CNTN4: variants seen among roughly 807,000 people sequenced by gnomAD.
CNTN4 encodes the protein contactin 4, also known as contactin-4.
A neutral mutation model predicts 122.5 loss-of-function variants in CNTN4; 77 were observed. The ratio of observed to expected loss-of-function variants is 0.63; its 90% CI spans 0.52 to 0.76. The LOEUF (loss-of-function observed/expected upper bound fraction) is 0.76. CNTN4 is among the 30% of genes least tolerant of loss of function. The pLI is 0.00. For missense variants in CNTN4, 1,256 were observed against 1,259.1 expected (o/e 1.00, Z 0.04); for synonymous variants, 512 against 447.0 (o/e 1.15, Z -1.83).
rs1428837942 is a variant in CNTN4 at position 3,034,619 on chromosome 3, T to C, written c.1784-13T>C. 1 of 1,614,082 alleles carries C rather than the reference T, an allele frequency of 6.2e-7. No homozygotes were observed. Among genetic ancestry groups the C allele is most frequent in the East Asian group, 2.2e-5 (1 of 44,872 alleles). Reference sequence around the variant, plus strand: ...TACACTGCTCCAATTCTGGGGGTCTTGCTCTTTCCCAGGTCCTCCAGGTCC... The same window carrying C: ...TACACTGCTCCAATTCTGGGGGTCTCGCTCTTTCCCAGGTCCTCCAGGTCC... On this transcript the variant is annotated splice_polypyrimidine_tract_variant and intron_variant, in intron 16 of 24. Transcript: ENST00000418658.
chr3:2,192,610 T>A (rs1489586234), intron 2 of CNTN4, among the ~76,000 whole-genome samples: 1 of 152,078 alleles, frequency 6.6e-6, no homozygotes, highest in Non-Finnish European at 1.5e-5. Context: ...AACAACCCCA[T>A]CAAAAAGTGG....
At chr3:2,331,217 A>G (rs1219542482) in intron 2 of CNTN4, among the ~76,000 whole-genome samples, 2 of 152,184 alleles carry the variant, frequency 1.3e-5, no homozygotes, top group East Asian at 3.9e-4. Context: ...CTACACTTGG[A>G]TATGGGCTTC....
At chr3:2,710,372 G>T (rs559780693) in intron 4 of CNTN4, among the ~76,000 whole-genome samples, 25 of 152,324 alleles carry the variant, frequency 1.6e-4, no homozygotes, top group African/African-American at 6.0e-4. Context: ...GTGCATTATT[G>T]TGGCAGCTTT....
intron 2 of CNTN4, among the ~76,000 whole-genome samples, chr3:2,218,490 C>T (rs187526063): frequency 6.6e-6 from 1 of 152,194 alleles, no homozygotes; most frequent in Non-Finnish European, 1.5e-5. Context: ...TGTGAATAGT[C>T]ACCACATGCC....
chr3:2,164,419 A>G (rs1014789995), intron 2 of CNTN4, among the ~76,000 whole-genome samples: 2 of 152,188 alleles, frequency 1.3e-5, no homozygotes, highest in African/African-American at 4.8e-5. Context: ...AACTAATAAT[A>G]GGAATTTTAG....
rs527255022 is a variant in CNTN4, at chr3:2,665,776, C to T, written c.56-70439C>T. Among the ~76,000 whole-genome samples, 198 of 152,224 alleles carry T rather than the reference C, an allele frequency of 1.3e-3. No homozygotes were observed. The Middle Eastern group carries it at 0.024, about 18-fold the overall frequency. On this transcript the variant is annotated intron_variant, in intron 4 of 24. Coordinates refer to ENST00000418658, the MANE Select transcript of CNTN4 (RefSeq NM_175607.3). ...AAATGGAATAATTTCACACATTTTCCTTTAGCTGGATACTTGATATATGAG... is the reference window on the plus strand; with the variant it reads ...AAATGGAATAATTTCACACATTTTCTTTTAGCTGGATACTTGATATATGAG...
chr3:2,358,831 G>T (rs1281221602), intron 3 of CNTN4, among the ~76,000 whole-genome samples: 1 of 152,064 alleles, frequency 6.6e-6, no homozygotes, highest in Non-Finnish European at 1.5e-5. Flanking sequence ...CTTGATCAAG[G>T]AGACTAAGTT....
chr3:2,795,269 G>T (rs1415130586), intron 6 of CNTN4, among the ~76,000 whole-genome samples: 4 of 152,060 alleles, frequency 2.6e-5, no homozygotes, highest in African/African-American at 9.7e-5. Flanking sequence ...GACCTGACAG[G>T]CTGACCCTGA....
intron 9 of CNTN4, among the ~76,000 whole-genome samples, chr3:2,884,098 C>CT (rs35945793): frequency 9.0e-4 from 132 of 146,882 alleles, no homozygotes; most frequent in African/African-American, 2.0e-3. Flanking sequence ...ACAACAGTAA[C>CT]TTTTTTTTTT....
At chr3:2,200,637 G>A (rs1179238922) in intron 2 of CNTN4, among the ~76,000 whole-genome samples, 2 of 152,180 alleles carry the variant, frequency 1.3e-5, no homozygotes, top group Non-Finnish European at 2.9e-5. Context: ...GTGAGGACCA[G>A]CTAAATTAAT....
chr3:2,209,262 G>A (rs2038500020), intron 2 of CNTN4, among the ~76,000 whole-genome samples: 1 of 152,158 alleles, frequency 6.6e-6, no homozygotes, highest in Non-Finnish European at 1.5e-5. Flanking sequence ...GGATAGCACA[G>A]ATCTTTTACA....
chr3:2,364,101 G>A (rs1021385467), intron 3 of CNTN4, among the ~76,000 whole-genome samples: 1 of 151,928 alleles, frequency 6.6e-6, no homozygotes, highest in African/African-American at 2.4e-5. Flanking sequence ...TGTCTAGTTG[G>A]GGGCTTGGTT....
At chr3:2,182,359 C>G (rs879334366) in intron 2 of CNTN4, among the ~76,000 whole-genome samples, 2 of 151,960 alleles carry the variant, frequency 1.3e-5, no homozygotes, top group Non-Finnish European at 2.9e-5. Flanking sequence ...ATTCACAACA[C>G]TAATTGAATT....
At chr3:2,399,937 C>A (rs1313528709) in intron 3 of CNTN4, among the ~76,000 whole-genome samples, 2 of 151,946 alleles carry the variant, frequency 1.3e-5, no homozygotes, top group African/African-American at 4.8e-5. Flanking sequence ...CAGATACAAT[C>A]AATAAATGTG....
intron 2 of CNTN4, among the ~76,000 whole-genome samples, chr3:2,262,834 A>G (rs888703920): frequency 6.6e-6 from 1 of 152,148 alleles, no homozygotes; most frequent in Non-Finnish European, 1.5e-5. Context: ...AACTTGAGAT[A>G]GGCATTCCAA....
chr3:2,465,367 C>T (rs971937676), intron 3 of CNTN4, among the ~76,000 whole-genome samples: 4 of 152,078 alleles, frequency 2.6e-5, no homozygotes, highest in Admixed American at 2.6e-4. Flanking sequence ...GTGATGCCTT[C>T]TTCGGTCTCT....
Position 2,718,450 on chromosome 3 carries a change from T to A in CNTN4, c.56-17765T>A, listed in dbSNP as rs530980357. On this transcript the variant is annotated intron_variant, in intron 4 of 24. Coordinates refer to ENST00000418658, the MANE Select transcript of CNTN4 (RefSeq NM_175607.3). ...TAGAAAATGTTAACAACTGCTCAGA[T>A]CCTACTTCAGGATGCTTTTCGTGTC... Among the ~76,000 whole-genome samples, 11 of 152,300 alleles carry A rather than the reference T, an allele frequency of 7.2e-5. 1 individual carries two copies. The South Asian group carries it at 2.3e-3, about 32-fold the overall frequency.
intron 4 of CNTN4, among the ~76,000 whole-genome samples, chr3:2,728,400 G>A (rs1168761908): frequency 1.3e-5 from 2 of 152,204 alleles, no homozygotes; most frequent in Admixed American, 6.5e-5. Flanking sequence ...CTTGGAACAT[G>A]CTGGTGGTGG....
At chr3:3,045,085 G>C (rs904624155) in intron 23 of CNTN4, among the ~76,000 whole-genome samples, 2 of 152,208 alleles carry the variant, frequency 1.3e-5, no homozygotes, top group Admixed American at 6.5e-5. Context: ...AGTGAGGCTG[G>C]GGGAGGGGGC....
Sources: allele counts gnomAD v4.1 joint callset (sites outside exome capture counted in the v4.1 genomes callset), GRCh38; gene constraint gnomAD v4.1.1; transcripts MANE v1.5; gene names NCBI Gene and HGNC (gene_info 2026-07-23, HGNC 2026-07-21).